Variants in STAT4 observed in about 807,000 individuals in gnomAD.
STAT4 encodes signal transducer and activator of transcription 4.
A neutral mutation model predicts 110.5 loss-of-function variants in STAT4; 42 were observed. That is an observed-to-expected ratio of 0.38 (90% CI 0.30 to 0.49). The LOEUF (loss-of-function observed/expected upper bound fraction) is 0.49, where lower values mean the gene tolerates loss of function less well. STAT4 is among the 20% of genes least tolerant of loss of function. STAT4 has a pLI of 0.95. For missense variants in STAT4, 632 were observed against 887.9 expected (o/e 0.71, Z 3.66); for synonymous variants, 284 against 302.2 (o/e 0.94, Z 0.63).
At chr2:191,097,174 T>C (rs1171535906) in intron 3 of STAT4, among the ~76,000 whole-genome samples, 1 of 152,080 alleles carries the variant, frequency 6.6e-6, no homozygotes, top group Non-Finnish European at 1.5e-5. Context: ...AGAATCAATA[T>C]CGTGAAAATG....
rs758466728 is a variant in STAT4 at position 191,033,758 on chromosome 2, T to C, written c.1716-132A>G. 4 of 1,364,278 alleles carry C rather than the reference T, an allele frequency of 2.9e-6. No homozygotes were observed. Among genetic ancestry groups the C allele is most frequent in the Non-Finnish European group, 4.0e-6 (4 of 1,000,766 alleles). The allele number at this position is 1,364,278 out of a possible 1,614,324, so 84.5% of individuals were successfully genotyped here. ...CCTGAAATACTCATATATAGATTAA[T>C]ATACATAGTGCCACTCCACAAAGAA... On this transcript the variant is annotated intron_variant, in intron 19 of 23. Transcript: ENST00000392320. The surrounding 1 kb of genome is among the most constrained non-coding windows in gnomAD (Gnocchi z 6.9).
intron 3 of STAT4, among the ~76,000 whole-genome samples, chr2:191,130,173 T>C (rs1391535904): frequency 2.0e-5 from 3 of 151,884 alleles, no homozygotes; most frequent in Non-Finnish European, 4.4e-5. Context: ...AAGAAATTAT[T>C]CTACCCTCTC....
chr2:191,121,290 A>G (rs1489056442), intron 3 of STAT4, among the ~76,000 whole-genome samples: 2 of 152,164 alleles, frequency 1.3e-5, no homozygotes, highest in Non-Finnish European at 2.9e-5. Flanking sequence ...TGGAGAGGAT[A>G]TGAAGAAATA....
chr2:191,131,753 C>A, intron 3 of STAT4: 1 of 1,285,734 alleles, frequency 7.8e-7, no homozygotes, highest in Non-Finnish European at 9.9e-7. Context: ...TAGATGGGTA[C>A]TAAATTCCTG....
chr2:191,030,519 GA>G lies in STAT4; in HGVS notation c.2220+452del, dbSNP rs1695860007. ...TTCTAGAAATGCAAGTCACAATCAA[GA>G]AAAATTGCAATTTGTGATGTTTGCA... On this transcript the variant is annotated intron_variant, in intron 23 of 23. Transcript: ENST00000392320. This position sits in a 1 kb window ranked among gnomAD's most constrained non-coding sequence, Gnocchi z 4.4. Among the ~76,000 whole-genome samples the G allele has an allele frequency of 2.0e-5, 3 of 152,230 alleles. No homozygotes were observed. The highest frequency in any genetic ancestry group is 2.0e-4 in the Admixed American group (3 of 15,294).
chr2:191,078,420 T>C (rs1697372269), intron 3 of STAT4, among the ~76,000 whole-genome samples: 1 of 152,186 alleles, frequency 6.6e-6, no homozygotes, highest in African/African-American at 2.4e-5. Flanking sequence ...TTTTCTTCTT[T>C]GTTAAGAGCC....
rs1559085678 is a variant in STAT4, at chr2:191,141,458, T to G, written c.273+5155A>C. 7.5e-5 allele frequency among the ~76,000 whole-genome samples: 3 copies of G among 39,846 alleles called. No individual in the cohort carries two copies. In the East Asian group the frequency reaches 1.5e-3, roughly 20 times the overall value. The allele number at this position is 39,846 out of a possible 152,430, so 26.1% of individuals were successfully genotyped here. On this transcript the variant is annotated intron_variant, in intron 3 of 23. Coordinates refer to ENST00000392320, the MANE Select transcript of STAT4 (RefSeq NM_003151.4). ...CATATACATATGTATATCACATATA[T>G]ACATATGTATATCACATACATACAT...
chr2:191,149,869 T>C (rs1057045153), intron 1 of STAT4, among the ~76,000 whole-genome samples: 1 of 152,236 alleles, frequency 6.6e-6, no homozygotes, highest in Non-Finnish European at 1.5e-5. Context: ...ATGATTTGGA[T>C]GAAAAATCTA....
At chr2:191,145,449 G>A (rs1231550850) in intron 3 of STAT4, among the ~76,000 whole-genome samples, 1 of 152,096 alleles carries the variant, frequency 6.6e-6, no homozygotes, top group African/African-American at 2.4e-5. Context: ...CCCATTTTAG[G>A]TTTATAGATT....
In STAT4 at chr2:191,077,275, T is replaced by C. The variant is rs1210953525; in HGVS notation, c.274-950A>G. 6.6e-6 allele frequency among the ~76,000 whole-genome samples: 1 copy of C among 152,220 alleles called. No homozygotes were observed. Among genetic ancestry groups the C allele is most frequent in the Non-Finnish European group, 1.5e-5 (1 of 68,036 alleles). On this transcript the variant is annotated intron_variant, in intron 3 of 23. Transcript: ENST00000392320. The surrounding 1 kb of genome is among the most constrained non-coding windows in gnomAD (Gnocchi z 4.1). ...TATGTACTACCCAGGGTTGACACAG[T>C]GCCTACCAGTGAGTGTCCCAAGCAC...
At chr2:191,048,784 A>G (rs1696428185) in intron 14 of STAT4, among the ~76,000 whole-genome samples, 1 of 55,966 alleles carries the variant, frequency 1.8e-5, no homozygotes, top group African/African-American at 7.1e-5. Flanking sequence ...GAGAAACTCC[A>G]TCTCAAAAAA....
In STAT4 at chr2:191,091,731, T is replaced by C. The variant is rs908648086; in HGVS notation, c.274-15406A>G. Among the ~76,000 whole-genome samples the C allele has an allele frequency of 3.3e-5, 5 of 152,214 alleles. No individual in the cohort carries two copies. The highest frequency in any genetic ancestry group is 3.2e-3 in the Middle Eastern group (1 of 316). Reference sequence around the variant, plus strand: ...AATGAACTCTCAAAACTGTTTGTGATAAATGCTGTCATCCTGAGTATACAG... The same window carrying C: ...AATGAACTCTCAAAACTGTTTGTGACAAATGCTGTCATCCTGAGTATACAG... On this transcript the variant is annotated intron_variant, in intron 3 of 23. Transcript: ENST00000392320. This position sits in a 1 kb window ranked among gnomAD's most constrained non-coding sequence, Gnocchi z 5.4.
intron 3 of STAT4, among the ~76,000 whole-genome samples, chr2:191,137,907 A>G (rs1046935546): frequency 1.2e-4 from 18 of 152,214 alleles, no homozygotes. Context: ...ATAAACTGCT[A>G]CAAGATAACA....
Position 191,061,706 on chromosome 2 carries a change from T to A in STAT4, c.1034+23A>T. The A allele has an allele frequency of 6.2e-7, 1 of 1,603,136 alleles. No individual in the cohort carries two copies. The highest frequency in any genetic ancestry group is 8.5e-7 in the Non-Finnish European group (1 of 1,170,132). ...ACTATAGCTCCACAAACACACGAAA[T>A]AGTAGAAAATGTTTTTGCCTACCTT... On this transcript the variant is annotated intron_variant, in intron 10 of 23. Transcript: ENST00000392320. The surrounding 1 kb of genome is among the most constrained non-coding windows in gnomAD (Gnocchi z 6.2).
chr2:191,109,264 A>G (rs1204805584), intron 3 of STAT4, among the ~76,000 whole-genome samples: 1 of 152,120 alleles, frequency 6.6e-6, no homozygotes, highest in East Asian at 1.9e-4. Context: ...AACTTATAAA[A>G]TATAATGACA....
At chr2:191,092,219 C>T (rs996932269) in intron 3 of STAT4, among the ~76,000 whole-genome samples, 1 of 152,030 alleles carries the variant, frequency 6.6e-6, no homozygotes, top group Admixed American at 6.6e-5. Flanking sequence ...GTCTAACCAA[C>T]ATGGTGAAAC....
rs558311521 is a variant in STAT4, at chr2:191,083,318, C to G, written c.274-6993G>C. On this transcript the variant is annotated intron_variant, in intron 3 of 23. Transcript: ENST00000392320. This position sits in a 1 kb window ranked among gnomAD's most constrained non-coding sequence, Gnocchi z 4.6. ...CTTGAAGTTGGTATGGAATATGTGA[C>G]AGAGTTATCTACTCAAGGACTTTGG... Among the ~76,000 whole-genome samples, 32 of 152,286 alleles carry G rather than the reference C, an allele frequency of 2.1e-4. No homozygotes were observed. Among genetic ancestry groups the G allele is most frequent in the African/African-American group, 7.5e-4 (31 of 41,548 alleles).
In STAT4 at chr2:191,107,176, A is replaced by G. The variant is rs1199985360; in HGVS notation, c.274-30851T>C. ...AAATGGTTAAAAGCTTCAGGGTTTG[A>G]GGTGTCTTGTTTTGTGAGGTCTTTG... On this transcript the variant is annotated intron_variant, in intron 3 of 23. Transcript: ENST00000392320. This position sits in a 1 kb window ranked among gnomAD's most constrained non-coding sequence, Gnocchi z 4.2. 6.6e-6 allele frequency among the ~76,000 whole-genome samples: 1 copy of G among 152,152 alleles called. No homozygotes were observed.
rs577859072 is a variant in STAT4, at chr2:191,075,508, G to C, written c.372+719C>G. On this transcript the variant is annotated intron_variant, in intron 4 of 23. Transcript: ENST00000392320. ...AGGTAGGAAATGGAAGCAACTGACA[G>C]CTGTAGAGCAAGACCAGAACATACA... 3.3e-5 allele frequency among the ~76,000 whole-genome samples: 5 copies of C among 152,324 alleles called. No individual in the cohort carries two copies. The South Asian group carries it at 8.3e-4, about 25-fold the overall frequency.
Sources: gnomAD v4.1 joint callset for allele counts (sites outside exome capture counted in the v4.1 genomes callset) on GRCh38, gnomAD v4.1.1 for gene constraint, Gnocchi (gnomAD v3.1) non-coding constraint, MANE v1.5 for transcripts, NCBI Gene and HGNC (gene_info 2026-07-23, HGNC 2026-07-21) for gene names.